Variants in FBLIM1 observed in about 807,000 individuals in gnomAD.
FBLIM1 encodes the protein filamin binding LIM protein 1.
A neutral mutation model predicts 37.4 loss-of-function variants in FBLIM1; 29 were observed. That is an observed-to-expected ratio of 0.77 (90% CI 0.58 to 1.06). FBLIM1 has a LOEUF of 1.06. Among genes scored for constraint, FBLIM1 ranks in the 50% least tolerant of loss-of-function variants. FBLIM1 has a pLI of 0.00. For missense variants in FBLIM1, 449 were observed against 505.6 expected, an observed-to-expected ratio of 0.89 and a Z score of 1.07; for synonymous variants, 193 against 199.0, an observed-to-expected ratio of 0.97 and a Z score of 0.25.
At chr1:15,760,648 C>T (rs191403190) in intron 1 of FBLIM1, among the ~76,000 whole-genome samples, 2 of 151,872 alleles carry the variant, frequency 1.3e-5, no homozygotes, top group Admixed American at 1.3e-4. Context: ...GGTGACCCCC[C>T]CTGAGCTGCA....
chr1:15,765,324 T>A lies in FBLIM1; in HGVS notation c.250+91T>A. The A allele has an allele frequency of 6.8e-7, 1 of 1,479,204 alleles. No homozygotes were observed. Among genetic ancestry groups the A allele is most frequent in the Non-Finnish European group, 9.0e-7 (1 of 1,106,924 alleles). The allele number at this position is 1,479,204 out of a possible 1,614,324, so 91.6% of individuals were successfully genotyped here. The stretch of plus-strand genomic sequence containing the variant: ...TCCAGCGTCATTCATTCATTCATTA[T>A]TCATCCTGACAAAATTCACACATCA... On this transcript the variant is annotated intron_variant, in intron 3 of 8. Transcript: ENST00000375766. The surrounding 1 kb of genome is among the most constrained non-coding windows in gnomAD (Gnocchi z 5.9).
At chr1:15,767,739 A>C (rs1428756793) in intron 4 of FBLIM1, among the ~76,000 whole-genome samples, 176 bp downstream of exon 4, 2 of 151,926 alleles carry the variant, frequency 1.3e-5, no homozygotes, top group African/African-American at 4.8e-5. Context: ...GCAGGTAAAA[A>C]TTGGTTAAGT....
intron 5 of FBLIM1, 127 bp from the exon 6 acceptor site, chr1:15,770,280 GTA>G: frequency 1.0e-6 from 1 of 953,414 alleles, no homozygotes; most frequent in Middle Eastern, 3.4e-4. Context: ...ATGACCCTCT[GTA>G]TTTGTCATTT....
In FBLIM1 at chr1:15,765,340, T is replaced by A; in HGVS notation, c.250+107T>A. On this transcript the variant is annotated intron_variant, in intron 3 of 8. Transcript: ENST00000375766. This position sits in a 1 kb window ranked among gnomAD's most constrained non-coding sequence, Gnocchi z 5.9. ...CATTCATTATTCATCCTGACAAAATTCACACATCAACGGGAAACAAAAAGA... is the reference window on the plus strand; with the variant it reads ...CATTCATTATTCATCCTGACAAAATACACACATCAACGGGAAACAAAAAGA... 1 of 1,438,036 alleles carries A rather than the reference T, an allele frequency of 7.0e-7. No homozygotes were observed. The highest frequency in any genetic ancestry group is 2.4e-5 in the Admixed American group (1 of 41,966). The allele number at this position is 1,438,036 out of a possible 1,614,324, so 89.1% of individuals were successfully genotyped here. A position where few individuals can be genotyped will look rare whatever the true frequency, so the allele number is the denominator to read the frequency against.
intron 1 of FBLIM1, among the ~76,000 whole-genome samples, chr1:15,760,801 G>A (rs1190616597): frequency 1.3e-5 from 2 of 152,072 alleles, no homozygotes; most frequent in African/African-American, 2.4e-5. Context: ...TCTGTGATTC[G>A]CTCTCTGGGG....
chr1:15,783,110 T>C (rs537438519), intron 8 of FBLIM1, among the ~76,000 whole-genome samples: 3 of 151,918 alleles, frequency 2.0e-5, no homozygotes, highest in Non-Finnish European at 4.4e-5. Flanking sequence ...AAGGACTCTT[T>C]TGTGGGATCA....
At chr1:15,759,835 C>T (rs1241690433) in intron 1 of FBLIM1, among the ~76,000 whole-genome samples, 1 of 152,170 alleles carries the variant, frequency 6.6e-6, no homozygotes, top group Non-Finnish European at 1.5e-5. Context: ...AACCCCTCCC[C>T]TAAGTTGCAG....
chr1:15,774,669 A>C lies in FBLIM1; in HGVS notation c.763A>C (p.Ile255Leu), dbSNP rs1005081033. 5 of 1,613,938 alleles carry C rather than the reference A, an allele frequency of 3.1e-6. No individual in the cohort carries two copies. The African/African-American group carries it at 6.7e-5, about 22-fold the overall frequency. Residue 255 changes from isoleucine to leucine, a missense_variant, in exon 7 of 9, where the codon ATC becomes CTC. Physicochemically the swap from Ile to Leu is conservative, Grantham distance 5 (BLOSUM62 2). Transcript: ENST00000375766. ...KCGEVVRDHI[I>L]RALGQAFHPS... ...TGGCGAGGTGGTCCGGGACCACATCATCAGGGCCCTGGGCCAGGCCTTCCA... is the reference window on the plus strand; with the variant it reads ...TGGCGAGGTGGTCCGGGACCACATCCTCAGGGCCCTGGGCCAGGCCTTCCA...
chr1:15,774,840 C>T (rs374761995), intron 7 of FBLIM1, 44 bp downstream of exon 7: 102 of 1,613,522 alleles, frequency 6.3e-5, no homozygotes, highest in Middle Eastern at 3.3e-4. Context: ...AGGGACAGGG[C>T]GAGACCCAAG....
chr1:15,775,222 A>AAAAAAAAAAAAAAAAAGACCCCGTCTC (rs2069444667), intron 7 of FBLIM1: 1 of 3,918 alleles, frequency 2.6e-4, no homozygotes, highest in African/African-American at 3.0e-4. Context: ...ACTCCGTCTC[A>AAAAAAAAAAAAAAAAAGACCCCGTCTC]AAAAAAAAAA....
At position 15,765,305 on chromosome 1, in the gene FBLIM1, GTCAT is replaced by G. The variant is rs1358897959; in HGVS notation, c.250+86_250+89del. On this transcript the variant is annotated intron_variant, in intron 3 of 8. Transcript: ENST00000375766. This position sits in a 1 kb window ranked among gnomAD's most constrained non-coding sequence, Gnocchi z 5.9. Reference sequence around the variant, plus strand: ...TGGGGAGGAAAGGGCAGGCTCCAGCGTCATTCATTCATTCATTATTCATCCTGAC... The same window carrying G: ...TGGGGAGGAAAGGGCAGGCTCCAGCGTCATTCATTCATTATTCATCCTGAC... The G allele has an allele frequency of 2.4e-5, 36 of 1,507,384 alleles. No individual in the cohort carries two copies. Among genetic ancestry groups the G allele is most frequent in the South Asian group, 3.9e-5 (3 of 76,706 alleles). The allele number at this position is 1,507,384 out of a possible 1,614,324, so 93.4% of individuals were successfully genotyped here. A position where few individuals can be genotyped will look rare whatever the true frequency, so the allele number is the denominator to read the frequency against.
chr1:15,784,583 C>T lies in FBLIM1; in HGVS notation c.1044C>T (p.Asp348=), dbSNP rs770976181. The T allele has an allele frequency of 3.0e-5, 49 of 1,614,002 alleles. No homozygotes were observed. The South Asian group carries it at 5.3e-4, about 17-fold the overall frequency. ...CRILLSVEPT[D]QGCYPLNNHL... is the part of the protein sequence containing the mutation. ...TCCTCCTGTCTGTCGAGCCCACGGA[C>T]CAAGGCTGCTACCCCCTGAACAACC... The change falls in exon 9 of 9, where the codon GAC becomes GAT. Residue 348 remains aspartate, a synonymous_variant. Transcript: ENST00000375766.
intron 7 of FBLIM1, chr1:15,775,113 G>T (rs916505781): frequency 6.8e-5 from 32 of 467,962 alleles, no homozygotes; most frequent in African/African-American, 6.0e-4. Flanking sequence ...CCAGCTACTC[G>T]GGAGGCTGAG....
Position 15,784,483 on chromosome 1 carries a change from G to T in FBLIM1, c.1009-65G>T, listed in dbSNP as rs1031401807. On this transcript the variant is annotated intron_variant, in intron 8 of 8. Coordinates refer to ENST00000375766, the MANE Select transcript of FBLIM1 (RefSeq NM_017556.4). ...GGTTTATTCGGCAGATGCCAAGTGA[G>T]TCCCTCCCCTGTGCAGGCAGCGCCC... 7 of 1,337,252 alleles carry T rather than the reference G, an allele frequency of 5.2e-6. No individual in the cohort carries two copies. The Admixed American group carries it at 5.5e-5, about 10-fold the overall frequency. 82.8% of individuals were successfully genotyped at this position (1,337,252 alleles called of 1,614,324 possible).
chr1:15,778,702 G>A lies in FBLIM1; in HGVS notation c.1008+1415G>A, dbSNP rs1162026772. ...GTTACCCAGGCTGGAGTGCAATGGC[G>A]TGATCTCAGCTCACTGCAACCTCCA... On this transcript the variant is annotated intron_variant, in intron 8 of 8. Coordinates refer to ENST00000375766, the MANE Select transcript of FBLIM1 (RefSeq NM_017556.4). Among the ~76,000 whole-genome samples, 4 of 151,808 alleles carry A rather than the reference G, an allele frequency of 2.6e-5. No individual in the cohort carries two copies. The South Asian group carries it at 6.2e-4, about 24-fold the overall frequency.
chr1:15,765,312 A>C lies in FBLIM1; in HGVS notation c.250+79A>C. 1 of 1,495,756 alleles carries C rather than the reference A, an allele frequency of 6.7e-7. No homozygotes were observed. The highest frequency in any genetic ancestry group is 9.0e-7 in the Non-Finnish European group (1 of 1,116,698). The allele number at this position is 1,495,756 out of a possible 1,614,324, so 92.7% of individuals were successfully genotyped here. A position where few individuals can be genotyped will look rare whatever the true frequency, so the allele number is the denominator to read the frequency against. The stretch of plus-strand genomic sequence containing the variant: ...GAAAGGGCAGGCTCCAGCGTCATTC[A>C]TTCATTCATTATTCATCCTGACAAA... On this transcript the variant is annotated intron_variant, in intron 3 of 8. Coordinates refer to ENST00000375766, the MANE Select transcript of FBLIM1 (RefSeq NM_017556.4). The surrounding 1 kb of genome is among the most constrained non-coding windows in gnomAD (Gnocchi z 5.9).
intron 1 of FBLIM1, among the ~76,000 whole-genome samples, chr1:15,760,735 A>G (rs1569688318): frequency 1.3e-5 from 2 of 152,146 alleles, no homozygotes; most frequent in East Asian, 3.9e-4. Flanking sequence ...CTTCCTTTGG[A>G]CAGGAAATGA....
rs2148540241 is a variant in FBLIM1, at chr1:15,768,589, C to T, written c.500C>T (p.Pro167Leu). 1.9e-6 allele frequency: 3 copies of T among 1,612,278 alleles called. No individual in the cohort carries two copies. The highest frequency in any genetic ancestry group is 2.2e-5 in the South Asian group (2 of 90,748). ...CTCAGGCCCATGGAGGAAGAGCTGC[C>T]ACCTCCCCCGGCAGAACCTGTTGAG... ...GPLRPMEEEL[P>L]PPPAEPVEKG... is the part of the protein sequence containing the mutation. The change falls in exon 5 of 9, where the codon CCA (proline) becomes CTA (leucine). Residue 167 changes from proline to leucine, a missense_variant. By Grantham distance (98) the Pro-to-Leu change is moderately conservative. Transcript: ENST00000375766.
At chr1:15,783,402 C>A (rs1244108616) in intron 8 of FBLIM1, among the ~76,000 whole-genome samples, 1 of 151,960 alleles carries the variant, frequency 6.6e-6, no homozygotes, top group African/African-American at 2.4e-5. Flanking sequence ...GCTCCAGAAC[C>A]AGCTGTGTGA....
Sources: allele counts gnomAD v4.1 joint callset (sites outside exome capture counted in the v4.1 genomes callset), GRCh38; gene constraint gnomAD v4.1.1; non-coding constraint Gnocchi (gnomAD v3.1); transcripts MANE v1.5; gene names NCBI Gene and HGNC (gene_info 2026-07-23, HGNC 2026-07-21).